LRP2: variants seen among roughly 807,000 people sequenced by gnomAD.
The protein encoded by LRP2 is low-density lipoprotein receptor-related protein 2.
Under a neutral mutation model 531.0 loss-of-function variants are expected in LRP2, and 172 were observed. That is an observed-to-expected ratio of 0.32 (90% CI 0.29 to 0.37). The LOEUF (loss-of-function observed/expected upper bound fraction) is 0.37. Ranked by LOEUF, LRP2 falls within the 10% of genes least tolerant of loss-of-function variation. The pLI is 1.00. For synonymous variants in LRP2, 1,992 were observed against 2,027.6 expected (o/e 0.98, Z 0.47); for missense variants, 5,167 against 5,868.3 (o/e 0.88, Z 3.90).
intron 1 of LRP2, among the ~76,000 whole-genome samples, chr2:169,328,459 A>G (rs1239632076): frequency 2.7e-4 from 35 of 128,144 alleles, no homozygotes; most frequent in East Asian, 5.8e-4. Flanking sequence ...AAAAAAAAAA[A>G]AAAAAGAAAA....
Position 169,290,204 on chromosome 2 carries a change from T to C in LRP2, c.922+641A>G, listed in dbSNP as rs184493307. ...AGACATAATCGAACAACACTGTGCA[T>C]GGCCAACTCAGTTTTGCCATTGGAG... On this transcript the variant is annotated intron_variant, in intron 8 of 78. Coordinates refer to ENST00000649046, the MANE Select transcript of LRP2 (RefSeq NM_004525.3). Among the ~76,000 whole-genome samples the C allele has an allele frequency of 3.4e-5, 5 of 145,624 alleles. No individual in the cohort carries two copies. In the East Asian group the frequency reaches 1.1e-3, roughly 32 times the overall value.
chr2:169,359,108 G>C (rs1372532363), intron 1 of LRP2, among the ~76,000 whole-genome samples: 1 of 151,972 alleles, frequency 6.6e-6, no homozygotes, highest in Non-Finnish European at 1.5e-5. Flanking sequence ...TTATTTTCTA[G>C]TTTATTTTCA....
rs138667752 is a variant in LRP2, at chr2:169,282,941, C to T, written c.1103G>A (p.Arg368His). ...CDQKCESRPG[R>H]HLCHCEEGYI... The stretch of plus-strand genomic sequence containing the variant: ...CCCTTCTTCACAGTGGCACAGGTGA[C>T]GGCCAGGTCGGCTTTCACACTTCTG... Residue 368 changes from arginine to histidine, a missense_variant, in exon 10 of 79, where the codon CGT becomes CAT. By Grantham distance (29) the Arg-to-His change is conservative (BLOSUM62 0). Transcript: ENST00000649046. The T allele has an allele frequency of 4.2e-5, 68 of 1,613,842 alleles. 1 individual carries two copies. Among genetic ancestry groups the T allele is most frequent in the South Asian group, 1.3e-4 (12 of 91,082 alleles).
chr2:169,142,581 G>A (rs1253356510), intron 71 of LRP2, 93 bp downstream of exon 71: 8 of 1,576,004 alleles, frequency 5.1e-6, no homozygotes, highest in Non-Finnish European at 7.0e-6. Flanking sequence ...CCACTCTGCT[G>A]CAAAGGACCC....
At position 169,275,230 on chromosome 2, in the gene LRP2, A is replaced by G. The variant is rs1683521120; in HGVS notation, c.1781T>C (p.Val594Ala). 1.2e-6 allele frequency: 2 copies of G among 1,612,734 alleles called. No homozygotes were observed. Among genetic ancestry groups the G allele is most frequent in the African/African-American group, 1.3e-5 (1 of 74,892 alleles). The change falls in exon 14 of 79, where the codon GTA becomes GCA. Residue 594 changes from valine (V) to alanine (A), a missense_variant. Val to Ala is a moderately conservative substitution (Grantham distance 64). This residue lies in a region of LRP2 where 2,811 missense variants were observed against 3,058.0 expected (regional missense o/e 0.92). Transcript: ENST00000649046. The part of the protein sequence containing the change: ...VTYDGIQRKT[V>A]VHGGSLIPHP... ...AGGAATGAGGGAGCCTCCATGAACTACAGTCTTCCTGTTATAAAAGACACA... is the reference window on the plus strand; with the variant it reads ...AGGAATGAGGGAGCCTCCATGAACTGCAGTCTTCCTGTTATAAAAGACACA...
chr2:169,151,134 C>T, intron 67 of LRP2, 108 bp from the exon 68 acceptor site: 1 of 1,110,402 alleles, frequency 9.0e-7, no homozygotes, highest in Non-Finnish European at 1.4e-6. Context: ...GACAGCTGCT[C>T]AGATACCTAT....
chr2:169,204,651 T>C (rs997167884), intron 41 of LRP2, among the ~76,000 whole-genome samples: 6 of 152,210 alleles, frequency 3.9e-5, no homozygotes, highest in Non-Finnish European at 8.8e-5. Context: ...TTGATGTTTA[T>C]TGAGTACCTT....
intron 1 of LRP2, among the ~76,000 whole-genome samples, chr2:169,350,185 G>C (rs1685809460): frequency 6.6e-6 from 1 of 152,196 alleles, no homozygotes; most frequent in African/African-American, 2.4e-5. Context: ...TTTGAGGCTT[G>C]AGCAAGGATG....
chr2:169,283,148 A>G, intron 9 of LRP2, 147 bp from the exon 10 acceptor site: 1 of 756,350 alleles, frequency 1.3e-6, no homozygotes, highest in Non-Finnish European at 2.3e-6. Flanking sequence ...AGGTTCTGAG[A>G]ATTTATAACA....
At chr2:169,340,049 C>T (rs374239837) in intron 1 of LRP2, among the ~76,000 whole-genome samples, 1 of 152,072 alleles carries the variant, frequency 6.6e-6, no homozygotes. Context: ...TTGGTGCATA[C>T]GATATATCTA....
chr2:169,211,708 G>A (rs1688599365), intron 37 of LRP2, among the ~76,000 whole-genome samples: 1 of 152,160 alleles, frequency 6.6e-6, no homozygotes, highest in Non-Finnish European at 1.5e-5. Flanking sequence ...TAGGAGTGCA[G>A]ATTCTCTGGC....
chr2:169,301,238 GTA>G (rs1306920190), intron 4 of LRP2, among the ~76,000 whole-genome samples: 5 of 152,018 alleles, frequency 3.3e-5, no homozygotes, highest in African/African-American at 1.2e-4. Context: ...GAAAAAAACT[GTA>G]CTATTTTTGA....
At chr2:169,240,047 A>G (rs1689749332) in intron 25 of LRP2, among the ~76,000 whole-genome samples, 1 of 152,198 alleles carries the variant, frequency 6.6e-6, no homozygotes, top group African/African-American at 2.4e-5. Context: ...TGCAATGAGA[A>G]CCCTTGGGAA....
intron 65 of LRP2, 120 bp from the exon 66 acceptor site, chr2:169,154,723 T>C: frequency 2.3e-6 from 2 of 852,638 alleles, no homozygotes; most frequent in South Asian, 2.9e-5. Context: ...TTTATAGGAA[T>C]CTGACTATCT....
At chr2:169,130,334 C>T (rs546970158) in intron 77 of LRP2, among the ~76,000 whole-genome samples, 3 of 148,524 alleles carry the variant, frequency 2.0e-5, no homozygotes, top group African/African-American at 7.5e-5. Flanking sequence ...GTCGCCTAGG[C>T]TGGAGTGCAG....
chr2:169,172,680 C>T (rs1486167857), intron 57 of LRP2, among the ~76,000 whole-genome samples: 1 of 152,152 alleles, frequency 6.6e-6, no homozygotes, highest in African/African-American at 2.4e-5. Context: ...ATATGAAAAT[C>T]CCCAAATAAG....
At chr2:169,323,840 G>T (rs2105520782) in intron 1 of LRP2, among the ~76,000 whole-genome samples, 1 of 91,926 alleles carries the variant, frequency 1.1e-5, no homozygotes, top group Non-Finnish European at 2.2e-5. Flanking sequence ...CTCTGGTTTG[G>T]GGGCTGCCTG....
At chr2:169,153,483 C>A (rs1020151534) in intron 66 of LRP2, among the ~76,000 whole-genome samples, 3 of 152,152 alleles carry the variant, frequency 2.0e-5, no homozygotes, top group African/African-American at 7.2e-5. Context: ...TAGGTATGCA[C>A]CATTCTTGAA....
At chr2:169,256,978 C>T (rs1402129908) in intron 18 of LRP2, 146 bp downstream of exon 18, 3 of 895,648 alleles carry the variant, frequency 3.3e-6, no homozygotes, top group Non-Finnish European at 5.6e-6. Context: ...TGTTCAATAT[C>T]CTTCTCCCAT....
Sources: allele counts gnomAD v4.1 joint callset (sites outside exome capture counted in the v4.1 genomes callset), GRCh38; gene constraint gnomAD v4.1.1; regional missense constraint gnomAD v4.1.1; transcripts MANE v1.5; gene names NCBI Gene and HGNC (gene_info 2026-07-23, HGNC 2026-07-21).